The following KCTD8 variants were observed in gnomAD, a reference collection of about 807,000 sequenced individuals.
KCTD8 encodes potassium channel tetramerization domain containing 8.
KCTD8 carries 27 observed loss-of-function variants against 31.5 expected under a neutral mutation model. The observed-to-expected ratio is 0.86, with a 90% CI of 0.63 to 1.18. The LOEUF (loss-of-function observed/expected upper bound fraction) is 1.18. KCTD8 is among the 50% of genes most tolerant of loss of function. The pLI is 0.00. For missense variants in KCTD8, 658 were observed against 647.7 expected, an observed-to-expected ratio of 1.02 and a Z score of -0.17; for synonymous variants, 290 against 280.0, an observed-to-expected ratio of 1.04 and a Z score of -0.36.
At chr4:44,437,058 G>T (rs201418994) in intron 1 of KCTD8, among the ~76,000 whole-genome samples, 1 of 146,610 alleles carries the variant, frequency 6.8e-6, no homozygotes, top group East Asian at 2.0e-4. Context: ...GATTTTGAAA[G>T]TTTTTTTTTT....
intron 1 of KCTD8, among the ~76,000 whole-genome samples, chr4:44,366,118 C>T (rs1238775651): frequency 6.6e-6 from 1 of 152,030 alleles, no homozygotes; most frequent in Non-Finnish European, 1.5e-5. Context: ...AGATAGTTTG[C>T]TTTTACTTTT....
At chr4:44,311,171 TTTC>T (rs913961773) in intron 1 of KCTD8, among the ~76,000 whole-genome samples, 2 of 152,134 alleles carry the variant, frequency 1.3e-5, no homozygotes, top group African/African-American at 4.8e-5. Flanking sequence ...TAGACTCTTA[TTTC>T]TTCTGTCATT....
intron 1 of KCTD8, among the ~76,000 whole-genome samples, chr4:44,190,057 C>T (rs1279690751): frequency 6.6e-6 from 1 of 152,180 alleles, no homozygotes; most frequent in Non-Finnish European, 1.5e-5. Context: ...TTAACTCTTA[C>T]TGAATCAACT....
chr4:44,284,367 G>A (rs576888658), intron 1 of KCTD8, among the ~76,000 whole-genome samples: 67 of 152,222 alleles, frequency 4.4e-4, no homozygotes, highest in African/African-American at 1.6e-3. Flanking sequence ...CACAAGCAAT[G>A]GGGAAAAGAT....
chr4:44,358,483 A>T (rs1038403090), intron 1 of KCTD8, among the ~76,000 whole-genome samples: 2 of 152,046 alleles, frequency 1.3e-5, no homozygotes, highest in African/African-American at 4.8e-5. Flanking sequence ...GTCTTCCACA[A>T]TGGTTGAACT....
chr4:44,300,186 T>C (rs1006972198), intron 1 of KCTD8, among the ~76,000 whole-genome samples: 4 of 152,218 alleles, frequency 2.6e-5, no homozygotes, highest in Non-Finnish European at 5.9e-5. Context: ...TACACACTTA[T>C]GAGTAAATTA....
Position 44,342,888 on chromosome 4 carries a change from C to T in KCTD8, c.961+104675G>A, listed in dbSNP as rs185702406. ...TCTAACTTTTCTTCTGCAACCAGCTCGTCTCTCTTAGCCTTCAGATAACTG... is the reference window on the plus strand; with the variant it reads ...TCTAACTTTTCTTCTGCAACCAGCTTGTCTCTCTTAGCCTTCAGATAACTG... On this transcript the variant is annotated intron_variant, in intron 1 of 1. Coordinates refer to ENST00000360029, the MANE Select transcript of KCTD8 (RefSeq NM_198353.3). Among the ~76,000 whole-genome samples, 6 of 152,320 alleles carry T rather than the reference C, an allele frequency of 3.9e-5. No homozygotes were observed. The East Asian group carries it at 9.6e-4, about 24-fold the overall frequency.
intron 1 of KCTD8, among the ~76,000 whole-genome samples, chr4:44,253,543 G>A (rs1318697267): frequency 6.6e-6 from 1 of 151,654 alleles, no homozygotes; most frequent in African/African-American, 2.4e-5. Flanking sequence ...TAGCCTTTAA[G>A]AGGGCTTACT....
At chr4:44,216,212 CAT>C (rs1161403499) in intron 1 of KCTD8, among the ~76,000 whole-genome samples, 3 of 152,092 alleles carry the variant, frequency 2.0e-5, no homozygotes, top group Non-Finnish European at 4.4e-5. Context: ...TTCTAATTCC[CAT>C]TCGCTGAAGT....
intron 1 of KCTD8, among the ~76,000 whole-genome samples, chr4:44,238,711 A>G (rs547580980): frequency 7.2e-5 from 11 of 152,274 alleles, no homozygotes; most frequent in Admixed American, 7.2e-4. Context: ...CTGTTTCTCA[A>G]AAATGTTCAT....
At chr4:44,194,663 G>A (rs1205540663) in intron 1 of KCTD8, among the ~76,000 whole-genome samples, 1 of 151,954 alleles carries the variant, frequency 6.6e-6, no homozygotes, top group Non-Finnish European at 1.5e-5. Context: ...AGTAATCGGG[G>A]TGCCTACTCT....
chr4:44,239,366 C>T (rs1361266207), intron 1 of KCTD8, among the ~76,000 whole-genome samples: 1 of 152,142 alleles, frequency 6.6e-6, no homozygotes, highest in Non-Finnish European at 1.5e-5. Context: ...GCTGTGCAAC[C>T]TCAGGCAAGA....
At chr4:44,190,057 C>G (rs1279690751) in intron 1 of KCTD8, among the ~76,000 whole-genome samples, 1 of 152,180 alleles carries the variant, frequency 6.6e-6, no homozygotes, top group Non-Finnish European at 1.5e-5. Context: ...TTAACTCTTA[C>G]TGAATCAACT....
intron 1 of KCTD8, among the ~76,000 whole-genome samples, chr4:44,414,155 A>G (rs1577661877): frequency 6.6e-6 from 1 of 152,128 alleles, no homozygotes; most frequent in African/African-American, 2.4e-5. Flanking sequence ...CAATTTGTTT[A>G]TAGCAGCAAT....
At chr4:44,381,056 A>T (rs1720051182) in intron 1 of KCTD8, among the ~76,000 whole-genome samples, 1 of 152,060 alleles carries the variant, frequency 6.6e-6, no homozygotes, top group Non-Finnish European at 1.5e-5. Context: ...CACTTTTAAT[A>T]GCCCCATTAG....
chr4:44,242,820 T>A (rs1041007573), intron 1 of KCTD8, among the ~76,000 whole-genome samples: 2 of 152,016 alleles, frequency 1.3e-5, no homozygotes, highest in African/African-American at 4.8e-5. Context: ...GGGTGGCATC[T>A]TCCCCCTCTT....
chr4:44,434,199 T>C (rs1721586227), intron 1 of KCTD8, among the ~76,000 whole-genome samples: 1 of 151,866 alleles, frequency 6.6e-6, no homozygotes, highest in East Asian at 1.9e-4. Context: ...ACCTTTTCTC[T>C]AATGCCTTCC....
chr4:44,333,333 C>A (rs150284679), intron 1 of KCTD8, among the ~76,000 whole-genome samples: 3 of 151,994 alleles, frequency 2.0e-5, no homozygotes, highest in Non-Finnish European at 4.4e-5. Flanking sequence ...TTTAATAAGT[C>A]GCAAGCAAAC....
intron 1 of KCTD8, among the ~76,000 whole-genome samples, chr4:44,309,635 A>G (rs1717895690): frequency 6.6e-6 from 1 of 152,154 alleles, no homozygotes. Flanking sequence ...AAAAAGGTGT[A>G]TGAACATAAA....
Sources: allele counts gnomAD v4.1 joint callset (sites outside exome capture counted in the v4.1 genomes callset), GRCh38; gene constraint gnomAD v4.1.1; transcripts MANE v1.5; gene names NCBI Gene and HGNC (gene_info 2026-07-23, HGNC 2026-07-21).